Variants in GRIK4 observed in about 807,000 individuals in gnomAD.
GRIK4 encodes the protein glutamate ionotropic receptor kainate type subunit 4.
A neutral mutation model predicts 104.9 loss-of-function variants in GRIK4; 40 were observed. The observed-to-expected ratio is 0.38, with a 90% CI of 0.30 to 0.50. The LOEUF (loss-of-function observed/expected upper bound fraction) is 0.50, where lower values mean the gene tolerates loss of function less well. Ranked by LOEUF, GRIK4 falls within the 20% of genes least tolerant of loss-of-function variation. The probability of loss-of-function intolerance (pLI) is 0.93; values close to 1 mark genes in which losing one functional copy is unlikely to be tolerated. For missense variants in GRIK4, 1,047 were observed against 1,308.1 expected (o/e 0.80, Z 3.08); for synonymous variants, 485 against 524.9 (o/e 0.92, Z 1.04).
At chr11:120,726,263 G>C (rs1194796988) in intron 3 of GRIK4, among the ~76,000 whole-genome samples, 2 of 152,186 alleles carry the variant, frequency 1.3e-5, no homozygotes, top group Non-Finnish European at 2.9e-5. Context: ...AGGTTGGAAT[G>C]TTATTGTTTG....
At chr11:120,567,617 A>AG (rs1948347130) in intron 1 of GRIK4, among the ~76,000 whole-genome samples, 1 of 152,336 alleles carries the variant, frequency 6.6e-6, no homozygotes, top group African/African-American at 2.4e-5. Context: ...GGGACTCCAG[A>AG]GGGAGACCAC....
intron 3 of GRIK4, among the ~76,000 whole-genome samples, chr11:120,727,452 A>T (rs550884254): frequency 6.6e-6 from 1 of 152,322 alleles, no homozygotes; most frequent in East Asian, 1.9e-4. Flanking sequence ...ATTAGAAAGG[A>T]TATATGAAAG....
chr11:120,904,138 A>T (rs1592063085), intron 12 of GRIK4, among the ~76,000 whole-genome samples: 1 of 152,036 alleles, frequency 6.6e-6, no homozygotes, highest in East Asian at 1.9e-4. Context: ...ACGGTCTCAC[A>T]TATTCCCCAG....
At chr11:120,655,397 G>A (rs555557203) in intron 2 of GRIK4, among the ~76,000 whole-genome samples, 1 of 152,200 alleles carries the variant, frequency 6.6e-6, no homozygotes, top group Admixed American at 6.5e-5. Context: ...GGTGCCGTAG[G>A]GTACAGGGTA....
At chr11:120,625,392 A>C (rs1342853098) in intron 1 of GRIK4, among the ~76,000 whole-genome samples, 2 of 152,130 alleles carry the variant, frequency 1.3e-5, no homozygotes, top group Non-Finnish European at 2.9e-5. Flanking sequence ...CAGAGAGAAG[A>C]AGCAGAAAGG....
intron 1 of GRIK4, among the ~76,000 whole-genome samples, chr11:120,586,583 C>G (rs1257498965): frequency 6.6e-6 from 1 of 152,088 alleles, no homozygotes; most frequent in Admixed American, 6.5e-5. Flanking sequence ...GGAAGATCAG[C>G]GAGGAGTTCT....
intron 1 of GRIK4, among the ~76,000 whole-genome samples, chr11:120,593,431 G>A (rs1338907703): frequency 6.6e-6 from 1 of 152,078 alleles, no homozygotes; most frequent in African/African-American, 2.4e-5. Flanking sequence ...TTGGTTCTCA[G>A]CAGCATTCGA....
chr11:120,702,716 G>A (rs1328469459), intron 3 of GRIK4, among the ~76,000 whole-genome samples: 4 of 152,154 alleles, frequency 2.6e-5, no homozygotes, highest in East Asian at 1.9e-4. Context: ...CCAGGGAGAC[G>A]AGGACTGACA....
At chr11:120,545,456 A>G (rs1470474201) in intron 1 of GRIK4, among the ~76,000 whole-genome samples, 1 of 152,238 alleles carries the variant, frequency 6.6e-6, no homozygotes, top group Non-Finnish European at 1.5e-5. Context: ...CAATAACAAT[A>G]GTAACTGGCA....
intron 1 of GRIK4, among the ~76,000 whole-genome samples, chr11:120,613,615 G>A (rs1057057932): frequency 1.3e-5 from 2 of 152,256 alleles, no homozygotes; most frequent in Non-Finnish European, 2.9e-5. Flanking sequence ...CAGACATGAT[G>A]TGCAGGGATT....
intron 1 of GRIK4, among the ~76,000 whole-genome samples, chr11:120,571,092 G>C (rs1402713550): frequency 6.6e-6 from 1 of 152,088 alleles, no homozygotes; most frequent in African/African-American, 2.4e-5. Context: ...CTTATGTCTG[G>C]ACTGCTTGCC....
chr11:120,963,090 T>C (rs1017471100), intron 18 of GRIK4: 1 of 158,512 alleles, frequency 6.3e-6, no homozygotes, highest in African/African-American at 2.4e-5. Context: ...ATGGTAAAAT[T>C]TGAATCAGTT....
intron 1 of GRIK4, among the ~76,000 whole-genome samples, chr11:120,627,981 C>A (rs951294053): frequency 2.0e-5 from 3 of 152,162 alleles, no homozygotes; most frequent in Admixed American, 1.3e-4. Flanking sequence ...GTAAAATGGG[C>A]CTGAGAATGC....
chr11:120,955,856 G>A (rs1005860565), intron 15 of GRIK4, among the ~76,000 whole-genome samples: 2 of 151,854 alleles, frequency 1.3e-5, no homozygotes, highest in Non-Finnish European at 2.9e-5. Context: ...AACACAGACA[G>A]GGAGAGCCTG....
chr11:120,973,597 T>C (rs1944511093), intron 19 of GRIK4, among the ~76,000 whole-genome samples: 1 of 152,162 alleles, frequency 6.6e-6, no homozygotes, highest in Non-Finnish European at 1.5e-5. Context: ...GCTATGCAAA[T>C]CACTCTGAAA....
In GRIK4 at chr11:120,924,294, C is replaced by T. The variant is rs774990594; in HGVS notation, c.1477-16053C>T. 5.9e-5 allele frequency among the ~76,000 whole-genome samples: 9 copies of T among 152,188 alleles called. No homozygotes were observed. The South Asian group carries it at 8.3e-4, about 14-fold the overall frequency. ...GGCTCCCTTGCGTGTGTGAGGTCACCGCTGTAGCAGTCGGTACCGTGGCAG... is the reference window on the plus strand; with the variant it reads ...GGCTCCCTTGCGTGTGTGAGGTCACTGCTGTAGCAGTCGGTACCGTGGCAG... On this transcript the variant is annotated intron_variant, in intron 13 of 20. Coordinates refer to ENST00000527524, the MANE Select transcript of GRIK4 (RefSeq NM_014619.5).
intron 3 of GRIK4, among the ~76,000 whole-genome samples, chr11:120,782,756 G>C (rs1952183913): frequency 6.6e-6 from 1 of 152,152 alleles, no homozygotes; most frequent in African/African-American, 2.4e-5. Context: ...ACCAAGAGTT[G>C]AGTTGTGACA....
At chr11:120,702,257 C>T (rs1950565897) in intron 3 of GRIK4, among the ~76,000 whole-genome samples, 1 of 148,240 alleles carries the variant, frequency 6.7e-6, no homozygotes, top group Non-Finnish European at 1.5e-5. Flanking sequence ...CCTGGCGACT[C>T]CAAGGTTTTT....
chr11:120,967,738 C>A lies in GRIK4; in HGVS notation c.2395+415C>A, dbSNP rs1944409133. ...AAAATGCAAACTCGATGGCAGCATTCCCCCCACAAACCTCCCAATGGTTTC... is the reference window on the plus strand; with the variant it reads ...AAAATGCAAACTCGATGGCAGCATTACCCCCACAAACCTCCCAATGGTTTC... On this transcript the variant is annotated intron_variant, in intron 19 of 20. Coordinates refer to ENST00000527524, the MANE Select transcript of GRIK4 (RefSeq NM_014619.5). The surrounding 1 kb of genome is among the most constrained non-coding windows in gnomAD (Gnocchi z 4.2). 6.6e-6 allele frequency among the ~76,000 whole-genome samples: 1 copy of A among 152,082 alleles called. No individual in the cohort carries two copies. Among genetic ancestry groups the A allele is most frequent in the Admixed American group, 6.5e-5 (1 of 15,282 alleles).
Sources: allele counts gnomAD v4.1 joint callset (sites outside exome capture counted in the v4.1 genomes callset), GRCh38; gene constraint gnomAD v4.1.1; non-coding constraint Gnocchi (gnomAD v3.1); transcripts MANE v1.5; gene names NCBI Gene and HGNC (gene_info 2026-07-23, HGNC 2026-07-21).